The following EIF4G3 variants were observed in gnomAD, a reference collection of about 807,000 sequenced individuals.
The protein encoded by EIF4G3 is eIF-4-gamma 3.
Under a neutral mutation model 186.4 loss-of-function variants are expected in EIF4G3, and 34 were observed. That is an observed-to-expected ratio of 0.18 (90% confidence interval 0.14 to 0.24). The LOEUF (loss-of-function observed/expected upper bound fraction) is 0.24, where lower values mean the gene tolerates loss of function less well. EIF4G3 is among the 10% of genes least tolerant of loss of function. EIF4G3 has a pLI of 1.00. For synonymous variants in EIF4G3, 673 were observed against 679.5 expected, an observed-to-expected ratio of 0.99 and a Z score of 0.15; for missense variants, 1,536 against 1,948.5, an observed-to-expected ratio of 0.79 and a Z score of 3.99.
chr1:20,972,123 A>T (rs2076019972), intron 11 of EIF4G3, among the ~76,000 whole-genome samples: 1 of 152,164 alleles, frequency 6.6e-6, no homozygotes, highest in Admixed American at 6.5e-5. Flanking sequence ...TTATATTACT[A>T]CACTCCAATT....
At chr1:21,002,683 G>A in intron 5 of EIF4G3, 30 bp downstream of exon 5, 1 of 1,609,696 alleles carries the variant, frequency 6.2e-7, no homozygotes, top group Non-Finnish European at 8.5e-7. Context: ...GGTAGAGAAT[G>A]TAATTTGGTT....
chr1:21,176,567 A>ACGCCGCCGCCGCCGC (rs948854829), intron 1 of EIF4G3, among the ~76,000 whole-genome samples, 155 bp downstream of exon 1: 2 of 115,244 alleles, frequency 1.7e-5, no homozygotes, highest in Non-Finnish European at 3.7e-5. Flanking sequence ...CACACGCCCG[A>ACGCCGCCGCCGCCGC]CGCCGCCGCC....
chr1:20,849,344 G>C (rs1290207183), intron 29 of EIF4G3, 71 bp downstream of exon 29: 4 of 778,828 alleles, frequency 5.1e-6, no homozygotes, highest in Admixed American at 3.3e-5. Context: ...ACCTGATTTA[G>C]ACCAGAACCA....
chr1:20,847,932 A>C (rs1189621908), intron 29 of EIF4G3: 10 of 448,842 alleles, frequency 2.2e-5, no homozygotes, highest in Non-Finnish European at 4.1e-5. Context: ...TGGAAAGCAG[A>C]TGATGATTAC....
intron 18 of EIF4G3, chr1:20,892,624 G>C (rs1169075868): frequency 1.3e-6 from 2 of 1,532,370 alleles, no homozygotes; most frequent in South Asian, 2.4e-5. Context: ...CGCACCCCTA[G>C]AGGCAGGCTC....
intron 4 of EIF4G3, among the ~76,000 whole-genome samples, chr1:21,015,874 A>T (rs2088852490): frequency 6.6e-6 from 1 of 152,116 alleles, no homozygotes; most frequent in Non-Finnish European, 1.5e-5. Flanking sequence ...TAATAAGCTG[A>T]GAAAGTTCAT....
chr1:20,815,763 C>T (rs1570939276), intron 34 of EIF4G3, among the ~76,000 whole-genome samples: 1 of 134,192 alleles, frequency 7.5e-6, no homozygotes, highest in African/African-American at 2.8e-5. Flanking sequence ...CCAGTTGCCC[C>T]GTCCAGGAGG....
intron 7 of EIF4G3, among the ~76,000 whole-genome samples, chr1:20,996,183 C>T (rs1473323393): frequency 1.3e-5 from 2 of 152,158 alleles, no homozygotes; most frequent in East Asian, 3.8e-4. Flanking sequence ...TTTTCATTAT[C>T]TAATTTACTT....
rs1216539763 is a variant in EIF4G3, at chr1:21,176,253, G to A, written c.-350C>T. Reference sequence around the variant, plus strand: ...CGCTGCCGCCGCCGCCGCCGCCGCCGCCGCCGCCGCCGCTGCTGCCGCCGC... The same window carrying A: ...CGCTGCCGCCGCCGCCGCCGCCGCCACCGCCGCCGCCGCTGCTGCCGCCGC... On this transcript the variant is annotated 5_prime_UTR_variant, in exon 2 of 37. Coordinates refer to ENST00000602326, the MANE Select transcript of EIF4G3 (RefSeq NM_001391906.1). The A allele has an allele frequency of 1.3e-5, 5 of 379,002 alleles. No individual in the cohort carries two copies. Among genetic ancestry groups the A allele is most frequent in the Middle Eastern group, 6.2e-4 (1 of 1,624 alleles). The allele number at this position is 379,002 out of a possible 1,614,324, so 23.5% of individuals were successfully genotyped here. A position where few individuals can be genotyped will look rare whatever the true frequency, so the allele number is the denominator to read the frequency against.
chr1:21,154,539 G>T (rs767913292), intron 2 of EIF4G3, among the ~76,000 whole-genome samples: 2 of 152,082 alleles, frequency 1.3e-5, no homozygotes, highest in Non-Finnish European at 2.9e-5. Context: ...AGTAGCCTCC[G>T]CTCCAAATAT....
intron 11 of EIF4G3, among the ~76,000 whole-genome samples, chr1:20,970,394 A>G (rs1390063617): frequency 6.6e-6 from 1 of 151,230 alleles, no homozygotes; most frequent in Admixed American, 6.6e-5. Flanking sequence ...CGGGCGGATC[A>G]TAAGGTCAGG....
intron 11 of EIF4G3, among the ~76,000 whole-genome samples, chr1:20,971,813 C>T (rs6426652): frequency 0.4 from 60,485 of 151,910 alleles, 12,362 homozygotes; most frequent in Non-Finnish European, 0.43. Context: ...TTTGTATTTT[C>T]AGTAGAGATG....
At chr1:21,129,919 G>A (rs2097123173) in intron 2 of EIF4G3, among the ~76,000 whole-genome samples, 1 of 152,092 alleles carries the variant, frequency 6.6e-6, no homozygotes, top group South Asian at 2.1e-4. Flanking sequence ...CCACATCTAT[G>A]AGGCCAGATA....
At chr1:20,928,481 C>T (rs140997491) in intron 14 of EIF4G3, among the ~76,000 whole-genome samples, 2,946 of 152,072 alleles carry the variant, frequency 0.019, 48 homozygotes, top group Non-Finnish European at 0.028. Flanking sequence ...CGGCTCACTG[C>T]AACCTCCGCC....
At chr1:20,818,496 G>T (rs1025743806) in intron 33 of EIF4G3, among the ~76,000 whole-genome samples, 2 of 152,072 alleles carry the variant, frequency 1.3e-5, no homozygotes, top group African/African-American at 4.8e-5. Flanking sequence ...ACCAAAATTA[G>T]CCAGGTGTTG....
At chr1:20,907,910 G>C (rs1214546443) in intron 14 of EIF4G3, among the ~76,000 whole-genome samples, 2 of 152,120 alleles carry the variant, frequency 1.3e-5, no homozygotes, top group African/African-American at 4.8e-5. Flanking sequence ...TATATACCCA[G>C]TAATGGGATG....
intron 16 of EIF4G3, among the ~76,000 whole-genome samples, chr1:20,895,788 A>G (rs966693872): frequency 2.0e-4 from 31 of 152,218 alleles, no homozygotes; most frequent in Admixed American, 8.5e-4. Flanking sequence ...CAAGTATAAC[A>G]CATAATATTT....
intron 14 of EIF4G3, among the ~76,000 whole-genome samples, chr1:20,916,617 T>C (rs1167291354): frequency 6.6e-6 from 1 of 151,974 alleles, no homozygotes; most frequent in Non-Finnish European, 1.5e-5. Context: ...GATTATAAAA[T>C]GAATCTAGAA....
At position 20,940,877 on chromosome 1, in the gene EIF4G3, T is replaced by C. The variant is rs564896600; in HGVS notation, c.1663+614A>G. ...ATAATTTGAACTGGGAAGAATATAA[T>C]ACTCCAAGGATATTAATGACCATGT... On this transcript the variant is annotated intron_variant, in intron 14 of 36. Transcript: ENST00000602326. Among the ~76,000 whole-genome samples, 20 of 152,262 alleles carry C rather than the reference T, an allele frequency of 1.3e-4. No individual in the cohort carries two copies. In the South Asian group the frequency reaches 3.9e-3, roughly 30 times the overall value.
Sources: gnomAD v4.1 joint callset for allele counts (sites outside exome capture counted in the v4.1 genomes callset) on GRCh38, gnomAD v4.1.1 for gene constraint, MANE v1.5 for transcripts, NCBI Gene and HGNC (gene_info 2026-07-23, HGNC 2026-07-21) for gene names.